The following XG variants were observed in gnomAD, a reference collection of about 807,000 sequenced individuals.
The protein encoded by XG is Xg glycoprotein (Xg blood group), also known as glycoprotein Xg.
In XG, 24 loss-of-function variants were observed where a neutral mutation model predicts 25.7. The observed-to-expected ratio is 0.93, with a 90% CI of 0.68 to 1.31. The LOEUF (loss-of-function observed/expected upper bound fraction) is 1.31. Ranked by LOEUF, XG falls within the 40% of genes most tolerant of loss-of-function variation. The probability of loss-of-function intolerance (pLI) is 0.00; values close to 1 mark genes in which losing one functional copy is unlikely to be tolerated. For missense variants in XG, 181 were observed against 187.6 expected, an observed-to-expected ratio of 0.96 and a Z score of 0.21; for synonymous variants, 77 against 69.2, an observed-to-expected ratio of 1.11 and a Z score of -0.56.
chrX:2,760,615 G>A (rs1160841632), intron 1 of XG, among the ~76,000 whole-genome samples: 27 of 150,204 alleles, frequency 1.8e-4, no homozygotes, highest in Non-Finnish European at 3.4e-4. Flanking sequence ...CGTGCCTGTA[G>A]TCCCAGCTAC....
chrX:2,777,080 G>A (rs1323076608), intron 3 of XG, among the ~76,000 whole-genome samples: 1 of 152,154 alleles, frequency 6.6e-6, no homozygotes. Flanking sequence ...ATGATGCTCT[G>A]CCATAAGAAG....
At chrX:2,784,429 A>G (rs767446522) in intron 4 of XG, among the ~76,000 whole-genome samples, 9 of 110,448 alleles carry the variant, frequency 8.1e-5, no homozygotes, top group East Asian at 2.9e-4. Context: ...CTAAAAATAC[A>G]AAAATTAGTC....
At chrX:2,762,024 A>G (rs2050576837) in intron 1 of XG, among the ~76,000 whole-genome samples, 1 of 152,188 alleles carries the variant, frequency 6.6e-6, no homozygotes, top group Admixed American at 6.5e-5. Flanking sequence ...TCTTGGGCCC[A>G]GACAGACCTG....
At chrX:2,770,021 G>T (rs1033974345) in intron 1 of XG, among the ~76,000 whole-genome samples, 3 of 145,282 alleles carry the variant, frequency 2.1e-5, no homozygotes, top group Admixed American at 6.8e-5. Flanking sequence ...GTGTGTGGAG[G>T]GGTGGGGGGG....
At chrX:2,786,208 G>A (rs1330609168) in intron 4 of XG, among the ~76,000 whole-genome samples, 1 of 103,660 alleles carries the variant, frequency 9.6e-6, no homozygotes, top group Non-Finnish European at 1.9e-5. Context: ...AGAGATGTCA[G>A]CGTTGCTCAC....
intron 7 of XG, among the ~76,000 whole-genome samples, chrX:2,803,740 G>A (rs12834307): frequency 3.6e-5 from 4 of 111,617 alleles, no homozygotes. Flanking sequence ...CCGCGCTTAC[G>A]TTTTACAATA....
intron 6 of XG, among the ~76,000 whole-genome samples, chrX:2,796,539 CAT>C (rs1186601766): frequency 2.9e-4 from 32 of 108,887 alleles, no homozygotes; most frequent in Admixed American, 2.9e-3. Flanking sequence ...TACACACAGA[CAT>C]ATATAAACAC....
At position 2,752,154 on chromosome X, in the gene XG, A is replaced by T. The variant is rs776630804; in HGVS notation, c.-121A>T. The T allele has an allele frequency of 1.4e-5, 21 of 1,524,908 alleles. 1 individual carries two copies. The highest frequency in any genetic ancestry group is 3.8e-4 in the Middle Eastern group (2 of 5,272). 94.5% of individuals were successfully genotyped at this position (1,524,908 alleles called of 1,614,324 possible). A position where few individuals can be genotyped will look rare whatever the true frequency, so the allele number is the denominator to read the frequency against. The stretch of plus-strand genomic sequence containing the variant: ...CCGCTCATATTTTCCACTTGAAGAC[A>T]TCGCCTCCCTTCCTTCCAAGCTGGG... On this transcript the variant is annotated 5_prime_UTR_variant, in exon 1 of 11. Transcript: ENST00000644266.
rs189504884 is a variant in XG at position 2,752,229 on chromosome X, G to T, written c.-46G>T. The T allele has an allele frequency of 6.2e-7, 1 of 1,612,740 alleles. No homozygotes were observed. The highest frequency in any genetic ancestry group is 1.1e-5 in the South Asian group (1 of 90,878). ...GTGGAGAGGCCGGGTCTCACAATCC[G>T]CTTGGCTGGGGAGTCCACTGAGGTT... On this transcript the variant is annotated 5_prime_UTR_variant, in exon 1 of 11. Coordinates refer to ENST00000644266, the MANE Select transcript of XG (RefSeq NM_001141919.2).
intron 10 of XG, among the ~76,000 whole-genome samples, chrX:2,812,172 C>A (rs913511959): frequency 6.0e-4 from 67 of 111,126 alleles, no homozygotes; most frequent in African/African-American, 2.1e-3. Context: ...GAACCCCACC[C>A]GCAAAGAAAA....
intron 6 of XG, among the ~76,000 whole-genome samples, chrX:2,795,749 C>T (rs2086879805): frequency 9.0e-6 from 1 of 110,688 alleles, no homozygotes; most frequent in African/African-American, 3.3e-5. Context: ...ACCTCTGCCT[C>T]CCGGGTTCAA....
chrX:2,758,322 CCACT>C (rs2050482215), intron 1 of XG, among the ~76,000 whole-genome samples: 1 of 152,160 alleles, frequency 6.6e-6, no homozygotes, highest in African/African-American at 2.4e-5. Flanking sequence ...CAGTCCCCAC[CCACT>C]GAGGTCTTTA....
intron 2 of XG, 76 bp downstream of exon 2, chrX:2,770,667 G>A: frequency 6.4e-7 from 1 of 1,571,988 alleles, no homozygotes; most frequent in Non-Finnish European, 8.8e-7. Context: ...AGTTACTTTG[G>A]GGTTGGATTG....
chrX:2,773,513 AGG>A (rs1217540193), intron 2 of XG, among the ~76,000 whole-genome samples: 2 of 141,050 alleles, frequency 1.4e-5, no homozygotes, highest in Non-Finnish European at 3.1e-5. Context: ...GAAGGAAGGA[AGG>A]AGAGAAGGAA....
At chrX:2,793,920 G>C (rs311172) in intron 5 of XG, among the ~76,000 whole-genome samples, 10,437 of 110,403 alleles carry the variant, frequency 0.095, 1,103 homozygotes, top group African/African-American at 0.31. Context: ...CATCTGGAGA[G>C]AAGGAAAAGC....
At chrX:2,797,392 TGGA>T in intron 7 of XG, 32 bp downstream of exon 7, 1 of 1,134,620 alleles carries the variant, frequency 8.8e-7, no homozygotes, top group Non-Finnish European at 1.2e-6. Context: ...CGATGGTGGG[TGGA>T]GGGTGGGAGG....
At chrX:2,770,709 T>TA in intron 2 of XG, 118 bp downstream of exon 2, 1 of 1,239,914 alleles carries the variant, frequency 8.1e-7, no homozygotes, top group South Asian at 1.2e-5. Flanking sequence ...GGTCTTGAGA[T>TA]CTCTGTTCTT....
At chrX:2,810,017 C>T (rs760962731) in intron 9 of XG, among the ~76,000 whole-genome samples, 4 of 112,035 alleles carry the variant, frequency 3.6e-5, no homozygotes, top group South Asian at 3.8e-4. Context: ...TACTGTGGAG[C>T]GTGTTCATGT....
chrX:2,804,871 G>C (rs1340508923), intron 7 of XG, among the ~76,000 whole-genome samples: 2 of 112,215 alleles, frequency 1.8e-5, no homozygotes, highest in Non-Finnish European at 3.8e-5. Context: ...TGTGGTCCTT[G>C]GCAGGGCCAG....
Sources: allele counts gnomAD v4.1 joint callset (sites outside exome capture counted in the v4.1 genomes callset), GRCh38; gene constraint gnomAD v4.1.1; transcripts MANE v1.5; gene names NCBI Gene and HGNC (gene_info 2026-07-23, HGNC 2026-07-21).